The following FAM227B variants were observed in gnomAD, a reference collection of about 807,000 sequenced individuals.
FAM227B encodes the protein protein FAM227B.
FAM227B carries 88 observed loss-of-function variants against 73.8 expected under a neutral mutation model. The observed-to-expected ratio is 1.19, with a 90% CI of 1.00 to 1.42. The LOEUF is 1.42. Ranked by LOEUF, FAM227B falls within the 40% of genes most tolerant of loss-of-function variation. The probability of loss-of-function intolerance (pLI) is 0.00; values close to 1 mark genes in which losing one functional copy is unlikely to be tolerated. For missense variants in FAM227B, 632 were observed against 590.9 expected, an observed-to-expected ratio of 1.07 and a Z score of -0.72; for synonymous variants, 210 against 190.5, an observed-to-expected ratio of 1.10 and a Z score of -0.84.
intron 3 of FAM227B, among the ~76,000 whole-genome samples, chr15:49,609,274 A>G (rs575967231): frequency 4.7e-4 from 72 of 152,056 alleles, no homozygotes; most frequent in South Asian, 3.7e-3. Context: ...GAGGATAAAA[A>G]CAATTGAAGA....
chr15:49,552,093 G>T (rs2073101206), intron 9 of FAM227B, among the ~76,000 whole-genome samples: 1 of 152,150 alleles, frequency 6.6e-6, no homozygotes, highest in Non-Finnish European at 1.5e-5. Flanking sequence ...TTTTGTAAAT[G>T]TAAGTGATTA....
intron 11 of FAM227B, among the ~76,000 whole-genome samples, chr15:49,387,563 C>A (rs1255003095): frequency 6.6e-6 from 1 of 151,792 alleles, no homozygotes; most frequent in Non-Finnish European, 1.5e-5. Flanking sequence ...CCCCTGAGAA[C>A]AGAAACAAGA....
chr15:49,617,516 A>T (rs998215151), intron 1 of FAM227B, among the ~76,000 whole-genome samples: 36 of 152,212 alleles, frequency 2.4e-4, no homozygotes, highest in Non-Finnish European at 3.7e-4. Flanking sequence ...ATCAGAGGAT[A>T]AAAAAACAAT....
intron 11 of FAM227B, among the ~76,000 whole-genome samples, chr15:49,500,114 C>G (rs1271118431): frequency 6.6e-6 from 1 of 152,170 alleles, no homozygotes; most frequent in African/African-American, 2.4e-5. Context: ...GGACCTGTTT[C>G]TAAATACATG....
intron 10 of FAM227B, among the ~76,000 whole-genome samples, chr15:49,523,291 T>C (rs190120640): frequency 4.8e-4 from 73 of 152,284 alleles, no homozygotes; most frequent in Non-Finnish European, 8.8e-4. Context: ...TGGGAAGTAA[T>C]TGAATCATGA....
chr15:49,517,498 G>A (rs892796354), intron 10 of FAM227B, among the ~76,000 whole-genome samples: 20 of 152,120 alleles, frequency 1.3e-4, no homozygotes, highest in African/African-American at 4.3e-4. Context: ...AGTCACAAAT[G>A]TAAGTTGAGA....
At chr15:49,525,674 A>G (rs2060121658) in intron 10 of FAM227B, among the ~76,000 whole-genome samples, 1 of 13,170 alleles carries the variant, frequency 7.6e-5, no homozygotes, top group Non-Finnish European at 2.5e-4. Context: ...AAATATATAT[A>G]TATATATATA....
At chr15:49,522,769 T>A (rs1247964737) in intron 10 of FAM227B, among the ~76,000 whole-genome samples, 5 of 152,028 alleles carry the variant, frequency 3.3e-5, no homozygotes, top group African/African-American at 7.2e-5. Flanking sequence ...ATGAAAGAAG[T>A]CTTTAAGAGA....
intron 11 of FAM227B, among the ~76,000 whole-genome samples, chr15:49,474,902 A>G (rs2055112125): frequency 6.6e-6 from 1 of 152,146 alleles, no homozygotes; most frequent in South Asian, 2.1e-4. Context: ...CCGTCCCCTG[A>G]CTGTTGGTTT....
At chr15:49,335,351 TTC>T (rs1204577762) in intron 14 of FAM227B, 66 bp downstream of exon 14, 3 of 1,026,702 alleles carry the variant, frequency 2.9e-6, no homozygotes, top group African/African-American at 3.2e-5. Context: ...TTTAGATGAT[TTC>T]TCTGATTGTT....
At position 49,591,960 on chromosome 15, in the gene FAM227B, G is replaced by A. The variant is rs570964091; in HGVS notation, c.106-1953C>T. ...TTCCATATCTTTCTTCCACTTGATC[G>A]AATTGGCTATTGAAGCTTGTGCACG... On this transcript the variant is annotated intron_variant, in intron 3 of 15. Transcript: ENST00000299338. Among the ~76,000 whole-genome samples the A allele has an allele frequency of 4.2e-4, 64 of 152,128 alleles. No individual in the cohort carries two copies. The South Asian group carries it at 0.01, about 24-fold the overall frequency.
chr15:49,439,304 AAG>A (rs570653949), intron 11 of FAM227B, among the ~76,000 whole-genome samples: 1 of 151,216 alleles, frequency 6.6e-6, no homozygotes, highest in South Asian at 2.1e-4. Flanking sequence ...GGGAGGGAGA[AAG>A]AGAGAGAGAA....
At chr15:49,375,588 T>C (rs539615230) in intron 11 of FAM227B, among the ~76,000 whole-genome samples, 21 of 152,242 alleles carry the variant, frequency 1.4e-4, no homozygotes, top group African/African-American at 3.8e-4. Context: ...ACATTACATA[T>C]GTTTTATAAA....
intron 10 of FAM227B, among the ~76,000 whole-genome samples, chr15:49,523,260 CAT>C (rs927150059): frequency 6.6e-5 from 10 of 152,230 alleles, no homozygotes; most frequent in African/African-American, 2.4e-4. Context: ...TCAATGCCCA[CAT>C]GTTGCAGGAG....
At chr15:49,439,697 T>C (rs1452147522) in intron 11 of FAM227B, among the ~76,000 whole-genome samples, 1 of 151,750 alleles carries the variant, frequency 6.6e-6, no homozygotes, top group African/African-American at 2.4e-5. Flanking sequence ...TAGGGTCTCC[T>C]CAGGAGGAAC....
chr15:49,497,521 A>G (rs1275248534), intron 11 of FAM227B, among the ~76,000 whole-genome samples: 1 of 152,188 alleles, frequency 6.6e-6, no homozygotes, highest in Admixed American at 6.5e-5. Flanking sequence ...GAGTTGGGGG[A>G]GGCACTCACT....
intron 3 of FAM227B, chr15:49,606,267 CTAAGTA>C (rs1436545486): frequency 6.6e-6 from 1 of 152,010 alleles, no homozygotes; most frequent in Non-Finnish European, 1.5e-5. Flanking sequence ...GTCATTTCTC[CTAAGTA>C]TTTTTTTTTT....
chr15:49,344,842 C>T (rs2041239172), intron 13 of FAM227B, among the ~76,000 whole-genome samples: 1 of 152,148 alleles, frequency 6.6e-6, no homozygotes. Flanking sequence ...ACTTTTAATG[C>T]CCGTCTTACT....
At chr15:49,354,286 C>T (rs7173761) in intron 13 of FAM227B, among the ~76,000 whole-genome samples, 63,400 of 151,642 alleles carry the variant, frequency 0.42, 13,320 homozygotes, top group African/African-American at 0.45. Context: ...CAGCTCCCAG[C>T]GTGAGCGACG....
Sources: gnomAD v4.1 joint callset for allele counts (sites outside exome capture counted in the v4.1 genomes callset) on GRCh38, gnomAD v4.1.1 for gene constraint, MANE v1.5 for transcripts, NCBI Gene and HGNC (gene_info 2026-07-23, HGNC 2026-07-21) for gene names.